Variants in DDX21 observed in about 807,000 individuals in gnomAD.
DDX21 encodes the protein nucleolar RNA helicase 2.
A neutral mutation model predicts 90.0 loss-of-function variants in DDX21; 18 were observed. The observed-to-expected ratio is 0.20, with a 90% CI of 0.14 to 0.30. The LOEUF is 0.30. Among genes scored for constraint, DDX21 ranks in the 10% least tolerant of loss-of-function variants. DDX21 has a pLI of 1.00. For synonymous variants in DDX21, 294 were observed against 318.0 expected (o/e 0.92, Z 0.80); for missense variants, 673 against 944.5 (o/e 0.71, Z 3.77).
At chr10:68,959,635 T>G (rs773559941) in intron 1 of DDX21, among the ~76,000 whole-genome samples, 171 bp from the exon 2 acceptor site, 2 of 152,236 alleles carry the variant, frequency 1.3e-5, no homozygotes, top group African/African-American at 2.4e-5. Context: ...AGAAAAAGCT[T>G]ACTATTTTGA....
chr10:68,958,519 C>T (rs1451419277), intron 1 of DDX21, among the ~76,000 whole-genome samples: 2 of 152,028 alleles, frequency 1.3e-5, no homozygotes, highest in Non-Finnish European at 2.9e-5. Flanking sequence ...TCACTGCAAC[C>T]CCCGCCTCCC....
rs79554134 is a variant in DDX21, at chr10:68,956,270, C to T, written c.45C>T (p.Thr15=). 6.0e-3 allele frequency: 9,714 copies of T among 1,614,042 alleles called. 507 individuals carry two copies. The African/African-American group carries it at 0.11, about 19-fold the overall frequency. ...LRSDAGLESD[T]AMKKGETLRK... ...GTGACGCTGGTTTGGAATCAGACAC[C>T]GCAATGAAAAAAGGGGAGACACTGC... The change falls in exon 1 of 15, where the codon ACC becomes ACT. Residue 15 remains threonine, a synonymous_variant. Coordinates refer to ENST00000354185, the MANE Select transcript of DDX21 (RefSeq NM_004728.4).
At chr10:68,965,163 C>A (rs1190184359) in intron 4 of DDX21, among the ~76,000 whole-genome samples, 1 of 152,064 alleles carries the variant, frequency 6.6e-6, no homozygotes, top group East Asian at 1.9e-4. Context: ...TAATACCTAG[C>A]TCAAAAGGTT....
At chr10:68,980,734 C>T (rs1843173678) in intron 13 of DDX21, among the ~76,000 whole-genome samples, 1 of 150,568 alleles carries the variant, frequency 6.6e-6, no homozygotes, top group Non-Finnish European at 1.5e-5. Flanking sequence ...TGGCTAGGTG[C>T]CATGGCTCAC....
At chr10:68,969,870 T>G (rs143602995) in intron 7 of DDX21, among the ~76,000 whole-genome samples, 1 of 152,204 alleles carries the variant, frequency 6.6e-6, no homozygotes, top group African/African-American at 2.4e-5. Flanking sequence ...ATACAGAAAT[T>G]TGTTGGTTAT....
At chr10:68,970,738 C>T (rs566999463) in intron 8 of DDX21, among the ~76,000 whole-genome samples, 23 of 151,950 alleles carry the variant, frequency 1.5e-4, no homozygotes, top group Non-Finnish European at 2.6e-4. Flanking sequence ...CTGAAACCTC[C>T]GCTTCTTGGG....
chr10:68,969,175 T>C (rs1227150069), intron 7 of DDX21, 54 bp downstream of exon 7: 10 of 1,521,432 alleles, frequency 6.6e-6, no homozygotes, highest in Non-Finnish European at 8.9e-7. Flanking sequence ...TTTTTTCTTG[T>C]CTGTTAGTAT....
intron 13 of DDX21, among the ~76,000 whole-genome samples, 198 bp from the exon 14 acceptor site, chr10:68,981,339 T>A (rs1843188486): frequency 6.6e-6 from 1 of 152,250 alleles, no homozygotes; most frequent in Non-Finnish European, 1.5e-5. Context: ...TTTTTTTCAA[T>A]GTTCCTTGTC....
chr10:68,974,280 C>A (rs558870175), intron 10 of DDX21, among the ~76,000 whole-genome samples: 1 of 152,112 alleles, frequency 6.6e-6, no homozygotes, highest in Non-Finnish European at 1.5e-5. Context: ...AATATGTAAC[C>A]CTGAGCATGA....
intron 5 of DDX21, among the ~76,000 whole-genome samples, chr10:68,966,114 G>A (rs2132084063): frequency 6.6e-6 from 1 of 150,688 alleles, no homozygotes; most frequent in South Asian, 2.1e-4. Flanking sequence ...GGCTAACACG[G>A]TAAAACCCCG....
At position 68,977,708 on chromosome 10, in the gene DDX21, T is replaced by C; in HGVS notation, c.1902+20T>C. 8 of 1,587,624 alleles carry C rather than the reference T, an allele frequency of 5.0e-6. No individual in the cohort carries two copies. Among genetic ancestry groups the C allele is most frequent in the South Asian group, 1.1e-5 (1 of 88,560 alleles). On this transcript the variant is annotated intron_variant, in intron 12 of 14. Coordinates refer to ENST00000354185, the MANE Select transcript of DDX21 (RefSeq NM_004728.4). Reference sequence around the variant, plus strand: ...AATGTGGTAAGGTTCTGCAGCACATTCCTGACACTTCATAATTTGGGGTAT... The same window carrying C: ...AATGTGGTAAGGTTCTGCAGCACATCCCTGACACTTCATAATTTGGGGTAT...
intron 9 of DDX21, 93 bp from the exon 10 acceptor site, chr10:68,973,452 C>T: frequency 1.3e-6 from 2 of 1,515,660 alleles, no homozygotes; most frequent in Admixed American, 1.8e-5. Flanking sequence ...GGTTTATAAC[C>T]ACAATTGCTA....
Position 68,968,988 on chromosome 10 carries a change from A to G in DDX21, c.1103A>G (p.Asn368Ser), listed in dbSNP as rs1332403659. 6.2e-7 allele frequency: 1 copy of G among 1,612,202 alleles called. No homozygotes were observed. The highest frequency in any genetic ancestry group is 8.5e-7 in the Non-Finnish European group (1 of 1,179,610). The change falls in exon 7 of 15, where the codon AAT becomes AGT. Residue 368 changes from asparagine (N) to serine (S), a missense_variant. Coordinates refer to ENST00000354185, the MANE Select transcript of DDX21 (RefSeq NM_004728.4). Reference protein sequence around the residue: ...SVAYKKDSEDNPQTLLFSATC... With the variant: ...SVAYKKDSEDSPQTLLFSATC... ...CCCCTCCTCAAAGATTCTGAAGACA[A>G]TCCCCAAACATTGCTTTTTTCTGCA...
In DDX21 at chr10:68,974,731, A is replaced by G. The variant is rs2132091419; in HGVS notation, c.1730A>G (p.Lys577Arg). Residue 577 changes from lysine to arginine, a missense_variant, in exon 11 of 15, where the codon AAA becomes AGA. By Grantham distance (26) the Lys-to-Arg change is conservative (BLOSUM62 2). Transcript: ENST00000354185. ...ACAGAAATAATAAAAGCTTCCAGCA[A>G]AGATGCCATCAGGTATGTTCCCTAC... is the stretch of plus-strand genomic sequence containing the variant. Reference protein sequence around the residue: ...SATEIIKASSKDAIRLLDSVP... With the variant: ...SATEIIKASSRDAIRLLDSVP... 6.2e-7 allele frequency: 1 copy of G among 1,613,938 alleles called. No individual in the cohort carries two copies. Among genetic ancestry groups the G allele is most frequent in the Non-Finnish European group, 8.5e-7 (1 of 1,179,826 alleles).
At chr10:68,972,515 A>G (rs1843040432) in intron 9 of DDX21, among the ~76,000 whole-genome samples, 1 of 152,198 alleles carries the variant, frequency 6.6e-6, no homozygotes, top group African/African-American at 2.4e-5. Flanking sequence ...GGTTGTTCCA[A>G]AGGTATTCCA....
rs1345086388 is a variant in DDX21, at chr10:68,973,580, A to C, written c.1584A>C (p.Thr528=). 1 of 1,614,048 alleles carries C rather than the reference A, an allele frequency of 6.2e-7. No homozygotes were observed. The highest frequency in any genetic ancestry group is 2.2e-5 in the East Asian group (1 of 44,892). The change falls in exon 10 of 15, where the codon ACA becomes ACC. Residue 528 remains threonine (T), a synonymous_variant. Coordinates refer to ENST00000354185, the MANE Select transcript of DDX21 (RefSeq NM_004728.4). ...VESYIHRSGR[T]GRAGRTGVCI... ...CCTACATTCATCGATCCGGGCGGAC[A>C]GGCAGAGCTGGAAGGACGGGGGTGT...
At chr10:68,980,663 T>A (rs978755890) in intron 13 of DDX21, among the ~76,000 whole-genome samples, 2 of 152,128 alleles carry the variant, frequency 1.3e-5, no homozygotes, top group African/African-American at 4.8e-5. Flanking sequence ...ATAGTTTGAC[T>A]ATATTTTTAG....
intron 13 of DDX21, 110 bp downstream of exon 13, chr10:68,979,086 C>T (rs1843150373): frequency 6.9e-5 from 100 of 1,456,786 alleles, no homozygotes; most frequent in Non-Finnish European, 9.2e-5. Flanking sequence ...TTCACTCTCT[C>T]ATCTTCCCTG....
rs749352962 is a variant in DDX21 at position 68,970,187 on chromosome 10, T to G, written c.1237-14T>G. On this transcript the variant is annotated splice_polypyrimidine_tract_variant and intron_variant, in intron 7 of 14. Transcript: ENST00000354185. ...AGCTTTACTAAATAGATGTTTTTTTTCTTCTTACATAAGCATCTGGCTATT... is the reference window on the plus strand; with the variant it reads ...AGCTTTACTAAATAGATGTTTTTTTGCTTCTTACATAAGCATCTGGCTATT... 1.3e-6 allele frequency: 2 copies of G among 1,592,338 alleles called. No individual in the cohort carries two copies. Among genetic ancestry groups the G allele is most frequent in the South Asian group, 1.1e-5 (1 of 87,274 alleles).
Sources: allele counts gnomAD v4.1 joint callset (sites outside exome capture counted in the v4.1 genomes callset), GRCh38; gene constraint gnomAD v4.1.1; transcripts MANE v1.5; gene names NCBI Gene and HGNC (gene_info 2026-07-23, HGNC 2026-07-21).